L3MBTL4: variants seen among roughly 807,000 people sequenced by gnomAD.
L3MBTL4 encodes L3MBTL histone methyl-lysine binding protein 4, also known as lethal(3)malignant brain tumor-like protein 4.
A neutral mutation model predicts 84.5 loss-of-function variants in L3MBTL4; 70 were observed. The ratio of observed to expected loss-of-function variants is 0.83; its 90% CI spans 0.68 to 1.01. The LOEUF (loss-of-function observed/expected upper bound fraction) is 1.01, where lower values mean the gene tolerates loss of function less well. L3MBTL4 is among the 50% of genes least tolerant of loss of function. The pLI, the probability that L3MBTL4 is intolerant of heterozygous loss-of-function variation, is 0.00. For missense variants in L3MBTL4, 715 were observed against 754.8 expected (o/e 0.95, Z 0.62); for synonymous variants, 274 against 259.8 (o/e 1.05, Z -0.52).
intron 1 of L3MBTL4, among the ~76,000 whole-genome samples, chr18:6,341,386 A>G (rs1178673803): frequency 1.3e-5 from 2 of 152,094 alleles, no homozygotes; most frequent in African/African-American, 4.8e-5. Flanking sequence ...AAATTATATA[A>G]GGGAAACAAT....
At chr18:6,126,369 T>C (rs1598836275) in intron 14 of L3MBTL4, among the ~76,000 whole-genome samples, 1 of 152,308 alleles carries the variant, frequency 6.6e-6, no homozygotes, top group Admixed American at 6.5e-5. Context: ...ATTTTGGTTC[T>C]CAAGGTGACT....
At chr18:6,069,841 G>T (rs1455616279) in intron 16 of L3MBTL4, among the ~76,000 whole-genome samples, 1 of 152,140 alleles carries the variant, frequency 6.6e-6, no homozygotes, top group Non-Finnish European at 1.5e-5. Flanking sequence ...GCAAGATAGA[G>T]AATTTTACTC....
chr18:6,070,874 G>A (rs1035925799), intron 16 of L3MBTL4, among the ~76,000 whole-genome samples: 16 of 151,626 alleles, frequency 1.1e-4, no homozygotes, highest in African/African-American at 3.2e-4. Flanking sequence ...TATGAATGAA[G>A]TACAAAAGAT....
intron 13 of L3MBTL4, among the ~76,000 whole-genome samples, chr18:6,168,074 C>A (rs1598986252): frequency 6.6e-6 from 1 of 152,116 alleles, no homozygotes; most frequent in East Asian, 1.9e-4. Context: ...CTCCCATTCA[C>A]AATTGCTTCA....
chr18:6,160,890 CTG>C (rs2043309575), intron 13 of L3MBTL4, among the ~76,000 whole-genome samples: 1 of 152,104 alleles, frequency 6.6e-6, no homozygotes, highest in South Asian at 2.1e-4. Flanking sequence ...AGTAGGTAAT[CTG>C]TGTGTGAATA....
At chr18:6,257,691 G>A (rs1259551460) in intron 5 of L3MBTL4, among the ~76,000 whole-genome samples, 1 of 144,450 alleles carries the variant, frequency 6.9e-6, no homozygotes, top group Non-Finnish European at 1.5e-5. Context: ...TTGTTGCCCA[G>A]GCTGGAGTGC....
At chr18:6,121,862 T>G (rs1003602134) in intron 14 of L3MBTL4, among the ~76,000 whole-genome samples, 2 of 152,188 alleles carry the variant, frequency 1.3e-5, no homozygotes, top group Admixed American at 6.5e-5. Flanking sequence ...ATTATCCAGA[T>G]GTAGCAGGTT....
chr18:6,325,153 A>C (rs189589033), intron 1 of L3MBTL4, among the ~76,000 whole-genome samples: 1 of 152,322 alleles, frequency 6.6e-6, no homozygotes, highest in African/African-American at 2.4e-5. Flanking sequence ...GGGCTCCAGC[A>C]ATTACACAAA....
At chr18:5,982,622 A>G (rs2053285513) in intron 16 of L3MBTL4, among the ~76,000 whole-genome samples, 1 of 152,192 alleles carries the variant, frequency 6.6e-6, no homozygotes, top group Admixed American at 6.5e-5. Flanking sequence ...GAAAATACAC[A>G]TTGAGAAACG....
intron 13 of L3MBTL4, among the ~76,000 whole-genome samples, chr18:6,145,002 T>C (rs1037714334): frequency 6.6e-6 from 1 of 152,212 alleles, no homozygotes; most frequent in African/African-American, 2.4e-5. Flanking sequence ...GATTAAACTC[T>C]ATGGTTTAAT....
chr18:6,095,958 T>C (rs1356385067), intron 14 of L3MBTL4, among the ~76,000 whole-genome samples: 1 of 152,190 alleles, frequency 6.6e-6, no homozygotes, highest in Admixed American at 6.5e-5. Context: ...CTGAGAAATA[T>C]CTTTTTCAAA....
intron 16 of L3MBTL4, among the ~76,000 whole-genome samples, chr18:5,995,956 CCA>C (rs1460067910): frequency 6.6e-6 from 1 of 152,204 alleles, no homozygotes; most frequent in Non-Finnish European, 1.5e-5. Flanking sequence ...TAACCCTTTT[CCA>C]GTTTGCCCTG....
chr18:6,315,884 A>G (rs73387678), intron 1 of L3MBTL4, among the ~76,000 whole-genome samples: 5,934 of 149,364 alleles, frequency 0.04, 199 homozygotes, highest in East Asian at 0.091. Flanking sequence ...GAATCTTAAA[A>G]TATTAATAGT....
rs563866289 is a variant in L3MBTL4, at chr18:6,168,280, C to T, written c.1096+3548G>A. On this transcript the variant is annotated intron_variant, in intron 13 of 18. Coordinates refer to ENST00000317931, the MANE Select transcript of L3MBTL4 (RefSeq NM_001330559.2). ...GGTAATTTACAGATTCAATGCCATC[C>T]CCATCAAGCTACCAATGACCTTCTT... Among the ~76,000 whole-genome samples, 8 of 152,186 alleles carry T rather than the reference C, an allele frequency of 5.3e-5. No homozygotes were observed. In the South Asian group the frequency reaches 1.7e-3, roughly 32 times the overall value.
chr18:6,029,609 G>A (rs759026800), intron 16 of L3MBTL4: 14 of 984,764 alleles, frequency 1.4e-5, no homozygotes, highest in Admixed American at 6.1e-5. Context: ...TAAGAAGGAC[G>A]CAAGTTCTAC....
intron 16 of L3MBTL4, among the ~76,000 whole-genome samples, chr18:5,980,643 G>C (rs1224667007): frequency 6.6e-6 from 1 of 151,958 alleles, no homozygotes; most frequent in East Asian, 1.9e-4. Flanking sequence ...TGTTGGCCAG[G>C]CTGGTCTCGA....
chr18:5,961,894 AG>A (rs1010385629), intron 17 of L3MBTL4, among the ~76,000 whole-genome samples: 42 of 152,340 alleles, frequency 2.8e-4, no homozygotes, highest in African/African-American at 9.6e-4. Flanking sequence ...CAACTGGGGC[AG>A]GTGATGGCAG....
intron 4 of L3MBTL4, among the ~76,000 whole-genome samples, chr18:6,280,147 A>G (rs1347966490): frequency 1.3e-5 from 2 of 152,242 alleles, no homozygotes; most frequent in Non-Finnish European, 1.5e-5. Flanking sequence ...AGGAACACTG[A>G]ATTTCAGTTC....
At chr18:6,223,536 A>C (rs1568339951) in intron 10 of L3MBTL4, among the ~76,000 whole-genome samples, 1 of 152,228 alleles carries the variant, frequency 6.6e-6, no homozygotes, top group Non-Finnish European at 1.5e-5. Context: ...GACAAAAAAA[A>C]CATGGGCTTA....
Sources: gnomAD v4.1 joint callset for allele counts (sites outside exome capture counted in the v4.1 genomes callset) on GRCh38, gnomAD v4.1.1 for gene constraint, MANE v1.5 for transcripts, NCBI Gene and HGNC (gene_info 2026-07-23, HGNC 2026-07-21) for gene names.